CFAP20DC: variants seen among roughly 807,000 people sequenced by gnomAD.
The protein encoded by CFAP20DC is CFAP20 domain containing, also known as protein CFAP20DC.
A neutral mutation model predicts 101.7 loss-of-function variants in CFAP20DC; 84 were observed. That is an observed-to-expected ratio of 0.83 (90% CI 0.69 to 0.99). The LOEUF (loss-of-function observed/expected upper bound fraction) is 0.99. Among genes scored for constraint, CFAP20DC ranks in the 50% least tolerant of loss-of-function variants. The pLI is 0.00. For synonymous variants in CFAP20DC, 359 were observed against 351.2 expected (o/e 1.02, Z -0.25); for missense variants, 1,007 against 970.3 (o/e 1.04, Z -0.50).
chr3:58,778,874 A>T (rs928167203), intron 15 of CFAP20DC, among the ~76,000 whole-genome samples: 2 of 152,234 alleles, frequency 1.3e-5, no homozygotes, highest in African/African-American at 4.8e-5. Context: ...ATAGCCCAAG[A>T]TATCATACAG....
chr3:58,815,574 C>G (rs956533414), intron 14 of CFAP20DC, among the ~76,000 whole-genome samples: 3 of 151,236 alleles, frequency 2.0e-5, no homozygotes, highest in South Asian at 2.1e-4. Flanking sequence ...AACAGGCAAC[C>G]TACAAAATGG....
intron 6 of CFAP20DC, among the ~76,000 whole-genome samples, chr3:58,895,339 C>T (rs746300337): frequency 1.1e-4 from 16 of 152,224 alleles, no homozygotes; most frequent in Non-Finnish European, 1.9e-4. Context: ...CTCTTGAATG[C>T]TTTGCTGCTT....
intron 4 of CFAP20DC, among the ~76,000 whole-genome samples, chr3:58,945,406 T>C (rs965809061): frequency 6.6e-6 from 1 of 152,192 alleles, no homozygotes; most frequent in Non-Finnish European, 1.5e-5. Context: ...TTTGTGTGTA[T>C]GTGTGTATGA....
At chr3:58,910,877 A>T in intron 6 of CFAP20DC, among the ~76,000 whole-genome samples, 1 of 152,062 alleles carries the variant, frequency 6.6e-6, no homozygotes, top group East Asian at 1.9e-4. Flanking sequence ...TCCATCATTA[A>T]CTCAAAACTT....
chr3:58,777,207 G>C (rs1210831435), intron 15 of CFAP20DC, among the ~76,000 whole-genome samples: 1 of 152,170 alleles, frequency 6.6e-6, no homozygotes, highest in Non-Finnish European at 1.5e-5. Flanking sequence ...TCAAAAGAAT[G>C]CAACCATTTG....
At chr3:58,941,131 T>A (rs1254095692) in intron 4 of CFAP20DC, among the ~76,000 whole-genome samples, 6 of 151,828 alleles carry the variant, frequency 4.0e-5, no homozygotes, top group Admixed American at 3.9e-4. Flanking sequence ...GAGATTTAGA[T>A]GATCCTGGTC....
At chr3:59,041,102 G>T (rs1235674340) in intron 3 of CFAP20DC, among the ~76,000 whole-genome samples, 1 of 152,050 alleles carries the variant, frequency 6.6e-6, no homozygotes, top group Admixed American at 6.5e-5. Flanking sequence ...ATCTTGCATT[G>T]ATTGGCCCCA....
At chr3:58,764,392 G>GT (rs1392149578) in intron 15 of CFAP20DC, among the ~76,000 whole-genome samples, 7 of 152,166 alleles carry the variant, frequency 4.6e-5, no homozygotes, top group African/African-American at 1.7e-4. Context: ...GAAAAGCGCA[G>GT]TATTAGGGTG....
intron 5 of CFAP20DC, among the ~76,000 whole-genome samples, chr3:58,924,992 CTATT>C (rs1452234617): frequency 1.1e-4 from 16 of 151,876 alleles, no homozygotes; most frequent in Non-Finnish European, 1.8e-4. Flanking sequence ...TTTTATTTCT[CTATT>C]TATGTTCCCC....
intron 13 of CFAP20DC, among the ~76,000 whole-genome samples, chr3:58,842,899 GCACACTGACACCTCA>G (rs779500487): frequency 3.3e-5 from 5 of 152,156 alleles, no homozygotes; most frequent in Non-Finnish European, 7.3e-5. Context: ...CCCAGCAGGG[GCACACTGACACCTCA>G]CACGGCAGCG....
chr3:58,901,553 G>A (rs2083148357), intron 6 of CFAP20DC, among the ~76,000 whole-genome samples: 1 of 152,168 alleles, frequency 6.6e-6, no homozygotes, highest in Non-Finnish European at 1.5e-5. Context: ...TAAGAATAGT[G>A]CCTGGTATAC....
chr3:59,049,543 C>T (rs1051334519), intron 1 of CFAP20DC, 68 bp downstream of exon 1: 5 of 1,424,344 alleles, frequency 3.5e-6, no homozygotes, highest in Non-Finnish European at 4.8e-6. Context: ...TTATCCTCAC[C>T]CCGATCACGG....
rs191658768 is a variant in CFAP20DC, at chr3:58,772,121, C to T, written c.2238-18258G>A. Among the ~76,000 whole-genome samples the T allele has an allele frequency of 2.2e-3, 329 of 152,206 alleles. 4 individuals carry two copies. Among genetic ancestry groups the T allele is most frequent in the African/African-American group, 7.6e-3 (316 of 41,544 alleles). On this transcript the variant is annotated intron_variant, in intron 15 of 16. Transcript: ENST00000482387. ...GAGAAATTTTGTTTCTTGTTTTTGT[C>T]ATTCTGTGAGAGCGAGGATCTTAAG...
intron 13 of CFAP20DC, among the ~76,000 whole-genome samples, chr3:58,832,671 A>G (rs2076479221): frequency 6.6e-6 from 1 of 152,178 alleles, no homozygotes; most frequent in Non-Finnish European, 1.5e-5. Flanking sequence ...GCTCCAACCA[A>G]GGTGGATTTA....
At chr3:58,748,780 T>C (rs955759394) in intron 16 of CFAP20DC, among the ~76,000 whole-genome samples, 3 of 152,220 alleles carry the variant, frequency 2.0e-5, no homozygotes, top group African/African-American at 4.8e-5. Context: ...GTGGTTCTTA[T>C]CCACCTAAAT....
Position 58,859,098 on chromosome 3 carries a change from G to C in CFAP20DC, c.1593+4460C>G, listed in dbSNP as rs1485357405. ...TGGGTGACAAAGATAAGTGATAGTT[G>C]TGTCTTATAATACATTTTACGAGTT... On this transcript the variant is annotated intron_variant, in intron 12 of 16. Transcript: ENST00000482387. The surrounding 1 kb of genome is among the most constrained non-coding windows in gnomAD (Gnocchi z 4.1). 2.6e-5 allele frequency among the ~76,000 whole-genome samples: 4 copies of C among 152,158 alleles called. No homozygotes were observed. Among genetic ancestry groups the C allele is most frequent in the Non-Finnish European group, 5.9e-5 (4 of 68,028 alleles).
rs897102805 is a variant in CFAP20DC at position 58,849,375 on chromosome 3, G to T, written c.1628C>A (p.Thr543Lys). Residue 543 changes from threonine to lysine, a missense_variant, in exon 13 of 17, where the codon ACA becomes AAA. Transcript: ENST00000482387. ...NHSIQGSRGP[T>K]TGPSELTQLT... ...CTGAGTTAACTCTGAAGGACCAGTTGTTGGGCCTCGAGAACCCTGGATACT... is the reference window on the plus strand; with the variant it reads ...CTGAGTTAACTCTGAAGGACCAGTTTTTGGGCCTCGAGAACCCTGGATACT... 2 of 1,535,066 alleles carry T rather than the reference G, an allele frequency of 1.3e-6. No homozygotes were observed. The highest frequency in any genetic ancestry group is 1.7e-6 in the Non-Finnish European group (2 of 1,146,340).
intron 13 of CFAP20DC, among the ~76,000 whole-genome samples, chr3:58,842,470 G>A (rs2077212356): frequency 6.6e-6 from 1 of 152,038 alleles, no homozygotes; most frequent in Non-Finnish European, 1.5e-5. Context: ...CTTAAAAAAC[G>A]GCGCACCACG....
At chr3:58,998,967 A>C (rs1213107045) in intron 4 of CFAP20DC, among the ~76,000 whole-genome samples, 2 of 152,246 alleles carry the variant, frequency 1.3e-5, no homozygotes, top group Non-Finnish European at 2.9e-5. Flanking sequence ...GCTGGTGGAC[A>C]GTTAAACTCC....
Sources: gnomAD v4.1 joint callset for allele counts (sites outside exome capture counted in the v4.1 genomes callset) on GRCh38, gnomAD v4.1.1 for gene constraint, Gnocchi (gnomAD v3.1) non-coding constraint, MANE v1.5 for transcripts, NCBI Gene and HGNC (gene_info 2026-07-23, HGNC 2026-07-21) for gene names.